The following TMEM131 variants were observed in gnomAD, a reference collection of about 807,000 sequenced individuals.
TMEM131 encodes the protein 2610524E03Rik.
TMEM131 carries 66 observed loss-of-function variants against 211.6 expected under a neutral mutation model. The ratio of observed to expected loss-of-function variants is 0.31; its 90% CI spans 0.26 to 0.38. The LOEUF (loss-of-function observed/expected upper bound fraction) is 0.38, where lower values mean the gene tolerates loss of function less well. Among genes scored for constraint, TMEM131 ranks in the 10% least tolerant of loss-of-function variants. The pLI is 1.00. For missense variants in TMEM131, 2,036 were observed against 2,299.3 expected, an observed-to-expected ratio of 0.89 and a Z score of 2.34; for synonymous variants, 844 against 841.3, an observed-to-expected ratio of 1.00 and a Z score of -0.06.
intron 1 of TMEM131, among the ~76,000 whole-genome samples, chr2:97,979,295 C>T (rs899140067): frequency 6.6e-6 from 1 of 152,156 alleles, no homozygotes; most frequent in African/African-American, 2.4e-5. Flanking sequence ...TTAAAGTTAC[C>T]AGCTTCATTA....
At chr2:97,904,790 C>T (rs765426033) in intron 3 of TMEM131, among the ~76,000 whole-genome samples, 114 of 149,642 alleles carry the variant, frequency 7.6e-4, no homozygotes, top group South Asian at 1.3e-3. Context: ...AGTTTATTGG[C>T]TATAGTTCTT....
intron 3 of TMEM131, among the ~76,000 whole-genome samples, chr2:97,902,321 A>C (rs1231718430): frequency 2.0e-5 from 3 of 152,318 alleles, no homozygotes; most frequent in Non-Finnish European, 4.4e-5. Flanking sequence ...TTATGGCTGT[A>C]ACAGTTAACA....
At chr2:97,803,082 GA>G (rs755724501) in intron 22 of TMEM131, among the ~76,000 whole-genome samples, 3 of 152,106 alleles carry the variant, frequency 2.0e-5, no homozygotes, top group Non-Finnish European at 4.4e-5. Context: ...CGTAAGTTTC[GA>G]AAAACCTTTC....
At chr2:97,975,689 T>C (rs915165396) in intron 1 of TMEM131, among the ~76,000 whole-genome samples, 1 of 151,956 alleles carries the variant, frequency 6.6e-6, no homozygotes, top group African/African-American at 2.4e-5. Flanking sequence ...TTACCACATA[T>C]TTATGGAAGA....
At chr2:97,852,304 G>T (rs1297050592) in intron 5 of TMEM131, among the ~76,000 whole-genome samples, 1 of 151,858 alleles carries the variant, frequency 6.6e-6, no homozygotes, top group East Asian at 1.9e-4. Flanking sequence ...TGAGATTATA[G>T]GTGCACACCA....
intron 38 of TMEM131, chr2:97,760,229 G>A (rs966654168): frequency 1.9e-4 from 57 of 297,082 alleles, no homozygotes; most frequent in African/African-American, 1.2e-3. Context: ...AAATTGGCTA[G>A]TATTTGCTCC....
intron 1 of TMEM131, among the ~76,000 whole-genome samples, chr2:97,974,291 TG>T (rs1679431335): frequency 6.6e-6 from 1 of 151,922 alleles, no homozygotes. Context: ...CCATCCAAAA[TG>T]GAACACGCAG....
intron 3 of TMEM131, chr2:97,907,276 A>G (rs1218347609): frequency 1.3e-5 from 2 of 152,206 alleles, no homozygotes; most frequent in African/African-American, 4.8e-5. Flanking sequence ...AGGGCATATA[A>G]TATTAGAGAG....
Position 97,968,062 on chromosome 2 carries a change from G to A in TMEM131, c.187+27414C>T, listed in dbSNP as rs1380156613. ...ACACTAAGTCCTGTCCCCAGCACCC[G>A]ACCTATCCTGGCAACCACTTATAAC... On this transcript the variant is annotated intron_variant, in intron 1 of 40. Transcript: ENST00000186436. Among the ~76,000 whole-genome samples the A allele has an allele frequency of 5.3e-5, 8 of 151,882 alleles. No homozygotes were observed. In the East Asian group the frequency reaches 5.8e-4, roughly 11 times the overall value.
chr2:97,888,123 G>A lies in TMEM131; in HGVS notation c.291-3C>T, dbSNP rs1675235082. 20 of 1,609,364 alleles carry A rather than the reference G, an allele frequency of 1.2e-5. No individual in the cohort carries two copies. The highest frequency in any genetic ancestry group is 1.6e-5 in the Non-Finnish European group (19 of 1,177,004). On this transcript the variant is annotated splice_region_variant and splice_polypyrimidine_tract_variant and intron_variant, in intron 3 of 40. Transcript: ENST00000186436. ...AATTCCCCCGGTAGAGAGATATACT[G>A]TAAATAAAAAGAAAACAACATAAGA...
At position 97,923,521 on chromosome 2, in the gene TMEM131, C is replaced by T. The variant is rs375160840; in HGVS notation, c.249+3905G>A. Among the ~76,000 whole-genome samples, 33 of 149,064 alleles carry T rather than the reference C, an allele frequency of 2.2e-4. 2 individuals are homozygous for T. In the East Asian group the frequency reaches 4.5e-3, roughly 20 times the overall value. On this transcript the variant is annotated intron_variant, in intron 2 of 40. Transcript: ENST00000186436. ...CCTGTAGTCCCCGCTACTTGAGAGGCTGAGGGAGGAGGGTCACTTGAGCCT... is the reference window on the plus strand; with the variant it reads ...CCTGTAGTCCCCGCTACTTGAGAGGTTGAGGGAGGAGGGTCACTTGAGCCT...
At chr2:97,772,983 T>C (rs1679537756) in intron 32 of TMEM131, among the ~76,000 whole-genome samples, 1 of 152,232 alleles carries the variant, frequency 6.6e-6, no homozygotes, top group Non-Finnish European at 1.5e-5. Flanking sequence ...ATATCCTGAC[T>C]GGAGATGGTG....
At chr2:97,777,440 T>TTTTA (rs1294372138) in intron 31 of TMEM131, among the ~76,000 whole-genome samples, 2 of 152,252 alleles carry the variant, frequency 1.3e-5, no homozygotes, top group African/African-American at 4.8e-5. Context: ...GCAGTCTGTT[T>TTTTA]TTTATGGCTT....
chr2:97,983,080 G>A (rs960762504), intron 1 of TMEM131, among the ~76,000 whole-genome samples: 3 of 152,186 alleles, frequency 2.0e-5, no homozygotes, highest in Admixed American at 2.0e-4. Flanking sequence ...GGCTGTAGAA[G>A]CTCAGGGGTT....
At chr2:97,957,157 A>G (rs1678610034) in intron 1 of TMEM131, among the ~76,000 whole-genome samples, 1 of 152,178 alleles carries the variant, frequency 6.6e-6, no homozygotes, top group South Asian at 2.1e-4. Context: ...AAATGTTTGA[A>G]TAAATGTGAG....
chr2:97,849,717 CTTTTTTTTTTTTTT>C (rs11320615), intron 5 of TMEM131, among the ~76,000 whole-genome samples: 16 of 103,828 alleles, frequency 1.5e-4, no homozygotes, highest in Non-Finnish European at 3.0e-4. Flanking sequence ...CTCTCTCTCT[CTTTTTTTTTTTTTT>C]TTTTTTTTTA....
intron 24 of TMEM131, 108 bp from the exon 25 acceptor site, chr2:97,802,069 G>A: frequency 2.9e-6 from 2 of 697,398 alleles, no homozygotes; most frequent in South Asian, 2.6e-5. Context: ...TGTCTGTCAG[G>A]TTTTGAGATC....
chr2:97,814,199 C>A, intron 14 of TMEM131, 36 bp downstream of exon 14: 4 of 1,610,228 alleles, frequency 2.5e-6, no homozygotes, highest in Non-Finnish European at 3.4e-6. Flanking sequence ...GTTGGTAGAC[C>A]AGGAAAATTA....
chr2:97,935,693 A>C (rs1248121264), intron 1 of TMEM131, among the ~76,000 whole-genome samples: 2 of 152,218 alleles, frequency 1.3e-5, no homozygotes, highest in Non-Finnish European at 2.9e-5. Context: ...GTCAGTGAAA[A>C]TGGCAAAGTT....
Sources: allele counts gnomAD v4.1 joint callset (sites outside exome capture counted in the v4.1 genomes callset), GRCh38; gene constraint gnomAD v4.1.1; transcripts MANE v1.5; gene names NCBI Gene and HGNC (gene_info 2026-07-23, HGNC 2026-07-21).